The following PTPRG variants were observed in gnomAD, a reference collection of about 807,000 sequenced individuals.
The protein encoded by PTPRG is receptor-type tyrosine-protein phosphatase gamma.
Under a neutral mutation model 165.3 loss-of-function variants are expected in PTPRG, and 102 were observed. The observed-to-expected ratio is 0.62, with a 90% CI of 0.53 to 0.73. The LOEUF (loss-of-function observed/expected upper bound fraction) is 0.73, where lower values mean the gene tolerates loss of function less well. PTPRG is among the 30% of genes least tolerant of loss of function. The pLI is 0.00. For synonymous variants in PTPRG, 675 were observed against 669.5 expected (o/e 1.01, Z -0.13); for missense variants, 1,866 against 1,861.4 (o/e 1.00, Z -0.05).
chr3:61,589,654 C>T (rs1164169282), intron 1 of PTPRG, among the ~76,000 whole-genome samples: 1 of 152,094 alleles, frequency 6.6e-6, no homozygotes, highest in Non-Finnish European at 1.5e-5. Flanking sequence ...ATGCGTAGCT[C>T]AGGCCACTAG....
chr3:61,743,707 T>A (rs2033090814), intron 1 of PTPRG, among the ~76,000 whole-genome samples: 1 of 152,222 alleles, frequency 6.6e-6, no homozygotes, highest in African/African-American at 2.4e-5. Flanking sequence ...TAAACCATAG[T>A]GGGCTTGGTG....
At chr3:61,834,580 C>T (rs1034588842) in intron 2 of PTPRG, among the ~76,000 whole-genome samples, 4 of 152,134 alleles carry the variant, frequency 2.6e-5, no homozygotes, top group South Asian at 2.1e-4. Context: ...TTTGGGAGGC[C>T]GAGGCAGGTG....
At chr3:61,669,000 T>C (rs1702889458) in intron 1 of PTPRG, among the ~76,000 whole-genome samples, 1 of 152,236 alleles carries the variant, frequency 6.6e-6, no homozygotes, top group Admixed American at 6.5e-5. Flanking sequence ...CACTGAACTT[T>C]AGATAATATA....
At chr3:62,175,407 G>C (rs1705380920) in intron 8 of PTPRG, among the ~76,000 whole-genome samples, 1 of 152,142 alleles carries the variant, frequency 6.6e-6, no homozygotes, top group South Asian at 2.1e-4. Context: ...CTTGAGCCCA[G>C]GAGTTTGAGG....
At chr3:62,136,668 G>A (rs2106938463) in intron 6 of PTPRG, among the ~76,000 whole-genome samples, 1 of 152,300 alleles carries the variant, frequency 6.6e-6, no homozygotes, top group Admixed American at 6.5e-5. Flanking sequence ...TCTTTCCTCT[G>A]CTGTTCTTGT....
At chr3:61,868,192 C>T (rs2037463080) in intron 2 of PTPRG, among the ~76,000 whole-genome samples, 1 of 152,202 alleles carries the variant, frequency 6.6e-6, no homozygotes, top group Admixed American at 6.5e-5. Flanking sequence ...TTAGTGATCT[C>T]TTGTCATCCT....
At chr3:61,622,199 C>T (rs1196046993) in intron 1 of PTPRG, among the ~76,000 whole-genome samples, 6 of 152,178 alleles carry the variant, frequency 3.9e-5, no homozygotes, top group East Asian at 1.9e-4. Context: ...TCCAACACCT[C>T]GCTCAACAGG....
At chr3:62,125,314 AT>A (rs1375638577) in intron 5 of PTPRG, among the ~76,000 whole-genome samples, 2 of 152,010 alleles carry the variant, frequency 1.3e-5, no homozygotes, top group Non-Finnish European at 2.9e-5. Context: ...TGTCTCTTAT[AT>A]TTTTCATGCT....
rs1409193580 is a variant in PTPRG, at chr3:61,600,173, A to AAAAT, written c.85+37802_85+37803insAATA. Among the ~76,000 whole-genome samples, 220 of 123,400 alleles carry AAAAT rather than the reference A, an allele frequency of 1.8e-3. 1 individual carries two copies. The highest frequency in any genetic ancestry group is 6.4e-3 in the African/African-American group (214 of 33,492). 81.0% of individuals were successfully genotyped at this position (123,400 alleles called of 152,430 possible). ...AGACATTGTCTCAAAAAAAAAAAAA[A>AAAAT]ATATATATATATATATATATGTGTG... is the stretch of plus-strand genomic sequence containing the variant. On this transcript the variant is annotated intron_variant, in intron 1 of 29. Transcript: ENST00000474889.
At chr3:61,802,611 T>C (rs1381979154) in intron 2 of PTPRG, among the ~76,000 whole-genome samples, 1 of 152,208 alleles carries the variant, frequency 6.6e-6, no homozygotes, top group Non-Finnish European at 1.5e-5. Flanking sequence ...CCAGATATAA[T>C]TGTTAATTAT....
intron 2 of PTPRG, among the ~76,000 whole-genome samples, chr3:61,775,718 A>C (rs973484303): frequency 1.3e-4 from 20 of 152,272 alleles, no homozygotes; most frequent in Non-Finnish European, 7.4e-5. Context: ...AAAATGTGGC[A>C]CATATACACC....
intron 2 of PTPRG, among the ~76,000 whole-genome samples, chr3:61,820,667 G>A (rs1452015805): frequency 8.1e-6 from 1 of 123,150 alleles, no homozygotes; most frequent in Non-Finnish European, 1.6e-5. Flanking sequence ...TTTTGGTGTT[G>A]AATCACGGTG....
At chr3:61,835,276 C>T (rs2036424737) in intron 2 of PTPRG, among the ~76,000 whole-genome samples, 1 of 152,122 alleles carries the variant, frequency 6.6e-6, no homozygotes, top group African/African-American at 2.4e-5. Context: ...TCAGCCCTTC[C>T]TGACTCTACT....
chr3:61,776,218 T>G (rs1187643599), intron 2 of PTPRG, among the ~76,000 whole-genome samples: 1 of 152,088 alleles, frequency 6.6e-6, no homozygotes, highest in Non-Finnish European at 1.5e-5. Context: ...TAAAGAATAC[T>G]GTTTGCTAAG....
At chr3:61,961,381 T>A (rs914582540) in intron 2 of PTPRG, among the ~76,000 whole-genome samples, 1 of 152,202 alleles carries the variant, frequency 6.6e-6, no homozygotes, top group Non-Finnish European at 1.5e-5. Context: ...AAACATGTGG[T>A]TGCAGGACAC....
At chr3:62,038,320 C>T (rs1312658364) in intron 4 of PTPRG, among the ~76,000 whole-genome samples, 2 of 152,192 alleles carry the variant, frequency 1.3e-5, no homozygotes, top group Non-Finnish European at 2.9e-5. Flanking sequence ...GTTTGTAGCT[C>T]CTGGTGTGGT....
intron 1 of PTPRG, among the ~76,000 whole-genome samples, chr3:61,599,371 C>G (rs1459311036): frequency 6.6e-6 from 1 of 152,200 alleles, no homozygotes; most frequent in Non-Finnish European, 1.5e-5. Context: ...TGGTCTCGAA[C>G]TCCTGACATC....
chr3:62,095,262 T>A (rs1440738889), intron 5 of PTPRG, among the ~76,000 whole-genome samples: 1 of 152,164 alleles, frequency 6.6e-6, no homozygotes, highest in African/African-American at 2.4e-5. Flanking sequence ...ACAGAGAATG[T>A]CAAAGCTGCA....
chr3:61,984,733 A>G (rs189498917), intron 2 of PTPRG, among the ~76,000 whole-genome samples: 1 of 152,196 alleles, frequency 6.6e-6, no homozygotes, highest in African/African-American at 2.4e-5. Flanking sequence ...TTTTCCATTA[A>G]TTTTTGTTTT....
Sources: gnomAD v4.1 joint callset for allele counts (sites outside exome capture counted in the v4.1 genomes callset) on GRCh38, gnomAD v4.1.1 for gene constraint, MANE v1.5 for transcripts, NCBI Gene and HGNC (gene_info 2026-07-23, HGNC 2026-07-21) for gene names.